DISC1: variants seen among roughly 807,000 people sequenced by gnomAD.
The protein encoded by DISC1 is disrupted in schizophrenia 1 protein.
Under a neutral mutation model 84.5 loss-of-function variants are expected in DISC1, and 57 were observed. The observed-to-expected ratio is 0.67, with a 90% confidence interval of 0.55 to 0.84. DISC1 has a LOEUF of 0.84. Among genes scored for constraint, DISC1 ranks in the 40% least tolerant of loss-of-function variants. The probability of loss-of-function intolerance (pLI) is 0.00; values close to 1 mark genes in which losing one functional copy is unlikely to be tolerated. For missense variants in DISC1, 1,000 were observed against 1,057.8 expected, an observed-to-expected ratio of 0.95 and a Z score of 0.76; for synonymous variants, 411 against 415.2, an observed-to-expected ratio of 0.99 and a Z score of 0.12.
chr1:231,735,031 A>G (rs934945763), intron 3 of DISC1, among the ~76,000 whole-genome samples: 16 of 152,218 alleles, frequency 1.1e-4, no homozygotes, highest in African/African-American at 3.9e-4. Context: ...CTTGTAGGTT[A>G]TTTTAATAAT....
intron 4 of DISC1, among the ~76,000 whole-genome samples, chr1:231,760,509 C>T (rs2075561048): frequency 6.6e-6 from 1 of 152,178 alleles, no homozygotes. Context: ...AAAGGTGGCA[C>T]TCCCTCAGGA....
chr1:231,714,110 C>G (rs1219618953), intron 3 of DISC1, among the ~76,000 whole-genome samples: 1 of 151,510 alleles, frequency 6.6e-6, no homozygotes, highest in Non-Finnish European at 1.5e-5. Context: ...TGAGCAATCC[C>G]AAATGGAAAA....
At chr1:231,995,736 A>T (rs1353407920) in intron 10 of DISC1, among the ~76,000 whole-genome samples, 2 of 151,320 alleles carry the variant, frequency 1.3e-5, no homozygotes, top group Non-Finnish European at 2.9e-5. Context: ...AATCCAGTCT[A>T]TCATTGTTGG....
At chr1:231,724,039 T>C in intron 3 of DISC1, 1 of 984,436 alleles carries the variant, frequency 1.0e-6, no homozygotes, top group Non-Finnish European at 1.2e-6. Context: ...TGTTCTATTC[T>C]AGTTCATTAA....
intron 10 of DISC1, among the ~76,000 whole-genome samples, chr1:231,994,163 G>T (rs996852524): frequency 2.6e-5 from 4 of 152,188 alleles, no homozygotes; most frequent in African/African-American, 7.2e-5. Context: ...GTCTTGCCTG[G>T]GCATTTCTCT....
At chr1:231,974,113 G>A (rs1442244220) in intron 10 of DISC1, among the ~76,000 whole-genome samples, 1 of 152,146 alleles carries the variant, frequency 6.6e-6, no homozygotes, top group East Asian at 1.9e-4. Context: ...ACAGGGTCAA[G>A]TGAGTCAAAG....
At chr1:231,832,390 CCT>C (rs1574141577) in intron 9 of DISC1, among the ~76,000 whole-genome samples, 3 of 151,406 alleles carry the variant, frequency 2.0e-5, no homozygotes, top group Non-Finnish European at 4.4e-5. Context: ...AGAATTCTGA[CCT>C]CACTAACCAT....
rs1479917048 is a variant in DISC1, at chr1:231,885,178, T to C, written c.1981+66661T>C. 2.0e-5 allele frequency among the ~76,000 whole-genome samples: 3 copies of C among 152,240 alleles called. No individual in the cohort carries two copies. The East Asian group carries it at 5.8e-4, about 29-fold the overall frequency. ...TAAAATAAAAATGCTGCCTTAGAGA[T>C]TTTGTCCTGAAACATACGAAAAAAT... On this transcript the variant is annotated intron_variant, in intron 9 of 12. Transcript: ENST00000439617.
intron 3 of DISC1, among the ~76,000 whole-genome samples, chr1:231,707,106 C>G (rs1471228037): frequency 6.6e-6 from 1 of 152,148 alleles, no homozygotes; most frequent in African/African-American, 2.4e-5. Context: ...ATCGGCCATT[C>G]TTATATCCTC....
intron 9 of DISC1, among the ~76,000 whole-genome samples, chr1:231,947,629 C>T (rs2126148779): frequency 6.6e-6 from 1 of 152,204 alleles, no homozygotes; most frequent in African/African-American, 2.4e-5. Context: ...AACTAAAGAG[C>T]TTCTGCACAG....
At chr1:231,714,478 T>C (rs2068388019) in intron 3 of DISC1, among the ~76,000 whole-genome samples, 1 of 152,154 alleles carries the variant, frequency 6.6e-6, no homozygotes, top group Non-Finnish European at 1.5e-5. Context: ...AAAAGTTTGG[T>C]GGTTCTTCAA....
At chr1:231,867,038 C>A (rs199586639) in intron 9 of DISC1, among the ~76,000 whole-genome samples, 2 of 152,154 alleles carry the variant, frequency 1.3e-5, no homozygotes, top group African/African-American at 4.8e-5. Flanking sequence ...AATTACATTC[C>A]TTCTTGATAG....
At position 231,946,020 on chromosome 1, in the gene DISC1, T is replaced by C. The variant is rs375771521; in HGVS notation, c.1982-12808T>C. Among the ~76,000 whole-genome samples, 8 of 152,306 alleles carry C rather than the reference T, an allele frequency of 5.3e-5. No homozygotes were observed. In the South Asian group the frequency reaches 1.2e-3, roughly 24 times the overall value. On this transcript the variant is annotated intron_variant, in intron 9 of 12. Transcript: ENST00000439617. ...GGACCAGATGGATTCACAGCCGAAT[T>C]CTACCAGAGGTACAAAGAGGAGCTG...
At position 231,771,691 on chromosome 1, in the gene DISC1, T is replaced by C. The variant is rs1056319020; in HGVS notation, c.1634+621T>C. Reference sequence around the variant, plus strand: ...GAGAGAAAACTGATATTTACACTCCTGTTCATTAATTCTGAAGCCCGGTCT... The same window carrying C: ...GAGAGAAAACTGATATTTACACTCCCGTTCATTAATTCTGAAGCCCGGTCT... On this transcript the variant is annotated intron_variant, in intron 6 of 12. Coordinates refer to ENST00000439617, the MANE Select transcript of DISC1 (RefSeq NM_018662.3). The C allele has an allele frequency of 8.0e-6, 5 of 622,410 alleles. No homozygotes were observed. The African/African-American group carries it at 1.0e-4, about 12-fold the overall frequency. The allele number at this position is 622,410 out of a possible 1,614,324, so 38.6% of individuals were successfully genotyped here.
chr1:231,656,911 G>A (rs902047000), intron 1 of DISC1, among the ~76,000 whole-genome samples: 3 of 152,126 alleles, frequency 2.0e-5, no homozygotes, highest in African/African-American at 7.2e-5. Flanking sequence ...GTTAGTTTCT[G>A]GAGGATAATG....
chr1:231,825,854 C>G (rs2081825927), intron 9 of DISC1, among the ~76,000 whole-genome samples: 1 of 152,120 alleles, frequency 6.6e-6, no homozygotes, highest in Non-Finnish European at 1.5e-5. Flanking sequence ...TCATATAGAT[C>G]CTTAGAGGTT....
chr1:231,678,518 A>G (rs1488728448), intron 1 of DISC1, among the ~76,000 whole-genome samples: 2 of 152,212 alleles, frequency 1.3e-5, no homozygotes, highest in African/African-American at 2.4e-5. Context: ...TCCAACTACC[A>G]TGCATGGAAG....
intron 3 of DISC1, among the ~76,000 whole-genome samples, 163 bp from the exon 4 acceptor site, chr1:231,749,763 A>G (rs563051703): frequency 6.6e-6 from 1 of 152,316 alleles, no homozygotes; most frequent in African/African-American, 2.4e-5. Context: ...AGATTCTTAG[A>G]AGTACCAACT....
At chr1:231,810,915 G>A (rs2080232861) in intron 8 of DISC1, among the ~76,000 whole-genome samples, 1 of 152,210 alleles carries the variant, frequency 6.6e-6, no homozygotes, top group Admixed American at 6.5e-5. Context: ...GAGCAGGCCA[G>A]CTTCCGGGGT....
Sources: gnomAD v4.1 joint callset for allele counts (sites outside exome capture counted in the v4.1 genomes callset) on GRCh38, gnomAD v4.1.1 for gene constraint, MANE v1.5 for transcripts, NCBI Gene and HGNC (gene_info 2026-07-23, HGNC 2026-07-21) for gene names.